The following CAMK2B variants were observed in gnomAD, a reference collection of about 807,000 sequenced individuals.
The protein encoded by CAMK2B is calcium/calmodulin dependent protein kinase II beta, also known as calcium/calmodulin-dependent protein kinase type II subunit beta.
CAMK2B carries 27 observed loss-of-function variants against 93.7 expected under a neutral mutation model. The ratio of observed to expected loss-of-function variants is 0.29; its 90% CI spans 0.21 to 0.40. The LOEUF is 0.40. Ranked by LOEUF, CAMK2B falls within the 10% of genes least tolerant of loss-of-function variation. The probability of loss-of-function intolerance (pLI) is 1.00; values close to 1 mark genes in which losing one functional copy is unlikely to be tolerated. For synonymous variants in CAMK2B, 374 were observed against 358.8 expected, an observed-to-expected ratio of 1.04 and a Z score of -0.48; for missense variants, 568 against 895.8, an observed-to-expected ratio of 0.63 and a Z score of 4.67.
chr7:44,232,811 T>C lies in CAMK2B; in HGVS notation c.1176+11A>G, dbSNP rs955755711. 6.2e-7 allele frequency: 1 copy of C among 1,613,440 alleles called. No individual in the cohort carries two copies. Among genetic ancestry groups the C allele is most frequent in the African/African-American group, 1.3e-5 (1 of 74,922 alleles). ...CCTGGGGAAAGCGGGAGGAGGAAAG[T>C]GGGGCAGTACCTTAATCCCGTCCAC... On this transcript the variant is annotated intron_variant, in intron 16 of 23. Coordinates refer to ENST00000395749, the MANE Select transcript of CAMK2B (RefSeq NM_001220.5).
intron 1 of CAMK2B, among the ~76,000 whole-genome samples, chr7:44,307,947 C>G (rs1792374843): frequency 6.6e-6 from 1 of 152,066 alleles, no homozygotes; most frequent in Non-Finnish European, 1.5e-5. Context: ...CTCACTGCAG[C>G]CTTGATCTCC....
chr7:44,226,344 G>A (rs891423631), intron 20 of CAMK2B, among the ~76,000 whole-genome samples, 172 bp downstream of exon 20: 1 of 152,148 alleles, frequency 6.6e-6, no homozygotes, highest in Non-Finnish European at 1.5e-5. Flanking sequence ...CATTTTCTGA[G>A]ACCCAGTGGC....
At chr7:44,325,310 G>C in intron 1 of CAMK2B, 47 bp downstream of exon 1, 1 of 1,121,940 alleles carries the variant, frequency 8.9e-7, no homozygotes, top group Non-Finnish European at 1.1e-6. Context: ...CGGAGGTCCC[G>C]GCCCTCTGGG....
At chr7:44,261,602 G>A (rs1052084406) in intron 3 of CAMK2B, among the ~76,000 whole-genome samples, 2 of 152,200 alleles carry the variant, frequency 1.3e-5, no homozygotes, top group East Asian at 3.8e-4. Context: ...ATGGAGCACT[G>A]GGGGTCTGTG....
chr7:44,226,649 G>A lies in CAMK2B; in HGVS notation c.1469-5C>T. On this transcript the variant is annotated splice_polypyrimidine_tract_variant and splice_region_variant and intron_variant, in intron 19 of 23. Transcript: ENST00000395749. ...GGATGTCAGAGATCCTGGGGGCTGG[G>A]GCGGAACAGACGAGACGTGAACACA... is the stretch of plus-strand genomic sequence containing the variant. 1 of 1,538,630 alleles carries A rather than the reference G, an allele frequency of 6.5e-7. No individual in the cohort carries two copies. The highest frequency in any genetic ancestry group is 8.7e-7 in the Non-Finnish European group (1 of 1,151,392).
intron 5 of CAMK2B, among the ~76,000 whole-genome samples, chr7:44,250,275 TCA>T (rs2096767905): frequency 6.6e-6 from 1 of 152,224 alleles, no homozygotes; most frequent in South Asian, 2.1e-4. Context: ...GATGTGAGAC[TCA>T]CAGTCACACC....
intron 2 of CAMK2B, among the ~76,000 whole-genome samples, chr7:44,273,537 G>T (rs1405216626): frequency 1.3e-5 from 2 of 148,734 alleles, no homozygotes; most frequent in African/African-American, 4.9e-5. Flanking sequence ...CAGCCCTGGT[G>T]CGATGGGTCC....
Position 44,219,289 on chromosome 7 carries a change from T to TTG in CAMK2B, c.*235_*236insCA, listed in dbSNP as rs1554345584. On this transcript the variant is annotated 3_prime_UTR_variant, in exon 24 of 24. Transcript: ENST00000395749. ...CCTTCCTTTAGTTTTTTTTGTTTTT[T>TTG]TTTTTTTTCATTTCATCTGATGTCA... 6.6e-6 allele frequency: 1 copy of TTG among 150,732 alleles called. No homozygotes were observed. The highest frequency in any genetic ancestry group is 1.9e-4 in the East Asian group (1 of 5,168). 9.3% of individuals were successfully genotyped at this position (150,732 alleles called of 1,614,324 possible).
intron 1 of CAMK2B, among the ~76,000 whole-genome samples, chr7:44,305,859 GC>G (rs1563082878): frequency 6.6e-6 from 1 of 152,178 alleles, no homozygotes; most frequent in African/African-American, 2.4e-5. Context: ...CTGGATTCTT[GC>G]GAGCCAGCTG....
intron 2 of CAMK2B, among the ~76,000 whole-genome samples, chr7:44,275,246 T>A (rs1408856968): frequency 1.3e-5 from 2 of 151,984 alleles, no homozygotes; most frequent in Non-Finnish European, 2.9e-5. Flanking sequence ...CCAGGGGTCA[T>A]GGAGGCTCAG....
intron 1 of CAMK2B, among the ~76,000 whole-genome samples, chr7:44,298,277 A>G (rs891275140): frequency 3.9e-5 from 6 of 152,256 alleles, no homozygotes; most frequent in African/African-American, 1.4e-4. Flanking sequence ...GTCAAGGGTT[A>G]TTCAATGAAG....
At chr7:44,285,901 G>T (rs1292137131) in intron 1 of CAMK2B, among the ~76,000 whole-genome samples, 2 of 150,436 alleles carry the variant, frequency 1.3e-5, no homozygotes, top group African/African-American at 4.9e-5. Context: ...GCACGGTGAG[G>T]TGTTCACTGT....
rs562062249 is a variant in CAMK2B, at chr7:44,308,415, T to C, written c.65+16942A>G. Among the ~76,000 whole-genome samples, 65 of 152,160 alleles carry C rather than the reference T, an allele frequency of 4.3e-4. 1 individual carries two copies. Among genetic ancestry groups the C allele is most frequent in the African/African-American group, 1.4e-3 (60 of 41,534 alleles). ...GTGTGTGGTGGCGCCCAGCATGGTG[T>C]CCTGCTCCTGGGTCCCCATCCCCCT... is the stretch of plus-strand genomic sequence containing the variant. On this transcript the variant is annotated intron_variant, in intron 1 of 23. Coordinates refer to ENST00000395749, the MANE Select transcript of CAMK2B (RefSeq NM_001220.5).
At chr7:44,239,515 C>T (rs189316726) in intron 13 of CAMK2B, 74 bp downstream of exon 13, 9 of 1,368,752 alleles carry the variant, frequency 6.6e-6, no homozygotes, top group East Asian at 2.5e-5. Flanking sequence ...CCAGCGGCTG[C>T]GTGCAGCAGG....
intron 1 of CAMK2B, among the ~76,000 whole-genome samples, chr7:44,302,499 T>G (rs749483118): frequency 2.6e-5 from 4 of 152,032 alleles, no homozygotes; most frequent in Non-Finnish European, 5.9e-5. Context: ...GATGCAAAAA[T>G]TCTCAACAAA....
chr7:44,297,387 A>G (rs781666603), intron 1 of CAMK2B, among the ~76,000 whole-genome samples: 1 of 152,232 alleles, frequency 6.6e-6, no homozygotes, highest in Non-Finnish European at 1.5e-5. Context: ...AAAATGCTCA[A>G]TTAAACCACA....
rs770390072 is a variant in CAMK2B at position 44,228,861 on chromosome 7, C to A, written c.1403G>T (p.Gly468Val). The change falls in exon 19 of 24, where the codon GGC becomes GTC. Residue 468 changes from glycine to valine, a missense_variant. Coordinates refer to ENST00000395749, the MANE Select transcript of CAMK2B (RefSeq NM_001220.5). ...GGGCGGGGGCCCCGCTGAGAGGGGG[C>A]CCTCGGCTTCTGGGGTTCCTGAACC... is the stretch of plus-strand genomic sequence containing the variant. ...RRGSGTPEAE[G>V]PLSAGPPPCL... 2 of 1,522,676 alleles carry A rather than the reference C, an allele frequency of 1.3e-6. No individual in the cohort carries two copies. Among genetic ancestry groups the A allele is most frequent in the South Asian group, 1.3e-5 (1 of 79,116 alleles). The allele number at this position is 1,522,676 out of a possible 1,614,324, so 94.3% of individuals were successfully genotyped here.
intron 2 of CAMK2B, among the ~76,000 whole-genome samples, chr7:44,281,187 G>A (rs1360544616): frequency 6.6e-6 from 1 of 152,258 alleles, no homozygotes; most frequent in Non-Finnish European, 1.5e-5. Flanking sequence ...CGTGGGACCT[G>A]AGCTGGGCCT....
At chr7:44,301,602 C>A (rs998319624) in intron 1 of CAMK2B, among the ~76,000 whole-genome samples, 2 of 152,060 alleles carry the variant, frequency 1.3e-5, no homozygotes, top group Non-Finnish European at 2.9e-5. Flanking sequence ...CATGGTGAAA[C>A]CCTGTCTCTA....
Sources: gnomAD v4.1 joint callset for allele counts (sites outside exome capture counted in the v4.1 genomes callset) on GRCh38, gnomAD v4.1.1 for gene constraint, MANE v1.5 for transcripts, NCBI Gene and HGNC (gene_info 2026-07-23, HGNC 2026-07-21) for gene names.